The following HDLBP variants were observed in gnomAD, a reference collection of about 807,000 sequenced individuals.
HDLBP encodes vigilin.
In HDLBP, 30 loss-of-function variants were observed where a neutral mutation model predicts 137.3. That is an observed-to-expected ratio of 0.22 (90% CI 0.16 to 0.30). The LOEUF (loss-of-function observed/expected upper bound fraction) is 0.30. HDLBP is among the 10% of genes least tolerant of loss of function. The probability of loss-of-function intolerance (pLI) is 1.00; values close to 1 mark genes in which losing one functional copy is unlikely to be tolerated. For synonymous variants in HDLBP, 606 were observed against 596.0 expected (o/e 1.02, Z -0.24); for missense variants, 1,119 against 1,667.3 (o/e 0.67, Z 5.73).
chr2:241,265,904 C>T (rs551396506), intron 3 of HDLBP, among the ~76,000 whole-genome samples: 239 of 152,334 alleles, frequency 1.6e-3, no homozygotes, highest in Non-Finnish European at 2.5e-3. Flanking sequence ...AAAGCAGCTT[C>T]TCGGGTTCCA....
At chr2:241,304,116 A>G (rs2075489331) in intron 1 of HDLBP, among the ~76,000 whole-genome samples, 1 of 152,226 alleles carries the variant, frequency 6.6e-6, no homozygotes, top group South Asian at 2.1e-4. Context: ...TTACAGGCAT[A>G]AGCCACCATG....
In HDLBP at chr2:241,239,079, G is replaced by A. The variant is rs2149387968; in HGVS notation, c.2611-292C>T. 6.7e-6 allele frequency among the ~76,000 whole-genome samples: 1 copy of A among 150,212 alleles called. No individual in the cohort carries two copies. Among genetic ancestry groups the A allele is most frequent in the African/African-American group, 2.5e-5 (1 of 39,622 alleles). ...CTCCTGGGGTAGCCTCTGACTCCAT[G>A]AGGAGGCATCAGACTTGATTATTAG... On this transcript the variant is annotated intron_variant, in intron 19 of 27. Transcript: ENST00000310931. The surrounding 1 kb of genome is among the most constrained non-coding windows in gnomAD (Gnocchi z 4.6).
intron 17 of HDLBP, 33 bp downstream of exon 17, chr2:241,242,427 C>T: frequency 6.3e-7 from 1 of 1,580,618 alleles, no homozygotes; most frequent in Non-Finnish European, 8.7e-7. Flanking sequence ...ACCAGGCTTC[C>T]TGCCAAGAGT....
chr2:241,314,255 A>G (rs563025590), intron 1 of HDLBP, among the ~76,000 whole-genome samples: 1 of 152,350 alleles, frequency 6.6e-6, no homozygotes, highest in African/African-American at 2.4e-5. Flanking sequence ...TCAAAAAATC[A>G]AAATATAAAC....
chr2:241,229,634 A>C lies in HDLBP; in HGVS notation c.3774T>G (p.Ala1258=). 6.2e-7 allele frequency: 1 copy of C among 1,614,026 alleles called. No homozygotes were observed. The highest frequency in any genetic ancestry group is 8.5e-7 in the Non-Finnish European group (1 of 1,179,958). Residue 1258 remains alanine, a synonymous_variant, in exon 28 of 28, where the codon GCT becomes GCG. Coordinates refer to ENST00000310931, the MANE Select transcript of HDLBP (RefSeq NM_005336.6). ...TGGGGCCCCAAGGGAGGGTCTTGGG[A>C]GCCACCTGAGCCCCAAAGCTGGGAA... ...EEFPSFGAQV[A]PKTLPWGPKR
At chr2:241,278,447 G>A (rs1245086021) in intron 1 of HDLBP, among the ~76,000 whole-genome samples, 2 of 152,180 alleles carry the variant, frequency 1.3e-5, no homozygotes, top group Non-Finnish European at 2.9e-5. Flanking sequence ...GCCGGGCATG[G>A]TGGCACATGC....
intron 1 of HDLBP, among the ~76,000 whole-genome samples, chr2:241,293,372 G>A (rs912579514): frequency 6.6e-6 from 1 of 151,986 alleles, no homozygotes; most frequent in Non-Finnish European, 1.5e-5. Context: ...GCACACACCT[G>A]TAGTCCCAGC....
chr2:241,229,992 G>A (rs1246287818), intron 26 of HDLBP, 31 bp from the exon 27 acceptor site: 4 of 1,580,432 alleles, frequency 2.5e-6, no homozygotes, highest in Non-Finnish European at 3.4e-6. Context: ...GACAGGGTCA[G>A]TCTGCCCAGC....
intron 24 of HDLBP, among the ~76,000 whole-genome samples, chr2:241,231,598 T>C (rs552625528): frequency 2.6e-4 from 39 of 152,266 alleles, no homozygotes; most frequent in African/African-American, 8.9e-4. Flanking sequence ...TCCTGCTTCT[T>C]TGCCCACGTG....
chr2:241,292,196 C>G (rs1011568469), intron 1 of HDLBP, among the ~76,000 whole-genome samples: 2 of 151,872 alleles, frequency 1.3e-5, no homozygotes, highest in African/African-American at 2.4e-5. Flanking sequence ...CCCCACCCCC[C>G]CAACAACAAA....
At chr2:241,246,647 G>A in intron 16 of HDLBP, 105 bp downstream of exon 16, 1 of 1,106,820 alleles carries the variant, frequency 9.0e-7, no homozygotes, top group Non-Finnish European at 1.3e-6. Context: ...TTCCACATCA[G>A]CCTGCGCTGG....
chr2:241,314,921 G>C (rs948889892), intron 1 of HDLBP, among the ~76,000 whole-genome samples: 9 of 152,100 alleles, frequency 5.9e-5, no homozygotes, highest in Admixed American at 5.2e-4. Context: ...CGTGAGTCTC[G>C]AACAGTTGCA....
chr2:241,265,575 C>A (rs539745792), intron 3 of HDLBP, among the ~76,000 whole-genome samples: 1 of 152,350 alleles, frequency 6.6e-6, no homozygotes, highest in South Asian at 2.1e-4. Context: ...CCATTAGCCA[C>A]AATCTCCATG....
intron 1 of HDLBP, among the ~76,000 whole-genome samples, chr2:241,285,111 C>G (rs570276167): frequency 1.3e-5 from 2 of 152,224 alleles, no homozygotes; most frequent in African/African-American, 4.8e-5. Flanking sequence ...GAACTCCTGA[C>G]CTCAGGTGAT....
chr2:241,299,594 A>G (rs902483495), intron 1 of HDLBP, among the ~76,000 whole-genome samples: 1 of 150,920 alleles, frequency 6.6e-6, no homozygotes, highest in Non-Finnish European at 1.5e-5. Context: ...ATGGCAGATA[A>G]CACTGACCAT....
intron 1 of HDLBP, among the ~76,000 whole-genome samples, chr2:241,289,103 G>A (rs1473893680): frequency 6.6e-6 from 1 of 152,180 alleles, no homozygotes; most frequent in Non-Finnish European, 1.5e-5. Context: ...TTAATCTTGG[G>A]CTCAGTCCTA....
At chr2:241,262,653 G>A in intron 5 of HDLBP, 58 bp downstream of exon 5, 1 of 1,329,654 alleles carries the variant, frequency 7.5e-7, no homozygotes, top group Non-Finnish European at 1.1e-6. Flanking sequence ...TGCATCAGGA[G>A]CCGGGTAATG....
At chr2:241,251,304 G>GC (rs1433707784) in intron 11 of HDLBP, among the ~76,000 whole-genome samples, 13 of 152,284 alleles carry the variant, frequency 8.5e-5, no homozygotes, top group African/African-American at 2.9e-4. Context: ...AACCGTAAAA[G>GC]CAAGTTTATG....
chr2:241,247,369 G>C (rs2071763872), intron 14 of HDLBP: 1 of 548,848 alleles, frequency 1.8e-6, no homozygotes, highest in African/African-American at 1.9e-5. Context: ...CTAAGAGAGA[G>C]TTCATGTCCC....
Sources: gnomAD v4.1 joint callset for allele counts (sites outside exome capture counted in the v4.1 genomes callset) on GRCh38, gnomAD v4.1.1 for gene constraint, Gnocchi (gnomAD v3.1) non-coding constraint, MANE v1.5 for transcripts, NCBI Gene and HGNC (gene_info 2026-07-23, HGNC 2026-07-21) for gene names.